The following SNX16 variants were observed in gnomAD, a reference collection of about 807,000 sequenced individuals.
The protein encoded by SNX16 is sorting nexin 16, also known as sorting nexin-16.
In SNX16, 35 loss-of-function variants were observed where a neutral mutation model predicts 36.7. That is an observed-to-expected ratio of 0.95 (90% CI 0.73 to 1.27). The LOEUF is 1.27. Among genes scored for constraint, SNX16 ranks in the 50% most tolerant of loss-of-function variants. The pLI is 0.00. For synonymous variants in SNX16, 134 were observed against 132.0 expected (o/e 1.02, Z -0.10); for missense variants, 367 against 393.6 (o/e 0.93, Z 0.57).
chr8:81,823,974 A>T, intron 3 of SNX16, 34 bp from the exon 4 acceptor site: 1 of 1,587,196 alleles, frequency 6.3e-7, no homozygotes, highest in Non-Finnish European at 8.6e-7. Context: ...TACAATGTTT[A>T]ACTCAAGCAC....
intron 4 of SNX16, among the ~76,000 whole-genome samples, chr8:81,821,789 A>C (rs889725570): frequency 2.0e-5 from 3 of 152,122 alleles, no homozygotes; most frequent in Non-Finnish European, 4.4e-5. Flanking sequence ...CAACTATGTT[A>C]GTGCTGTGCT....
chr8:81,815,966 G>A (rs555824169), intron 4 of SNX16, among the ~76,000 whole-genome samples: 2 of 152,134 alleles, frequency 1.3e-5, no homozygotes, highest in African/African-American at 4.8e-5. Flanking sequence ...AAATGATATT[G>A]TTATGCTTAT....
intron 1 of SNX16, among the ~76,000 whole-genome samples, chr8:81,840,864 A>G (rs769906743): frequency 3.3e-5 from 5 of 152,250 alleles, no homozygotes; most frequent in Non-Finnish European, 5.9e-5. Flanking sequence ...ATCATAACAC[A>G]AAGAAGAAAT....
chr8:81,834,959 CA>C (rs1182792007), intron 2 of SNX16, among the ~76,000 whole-genome samples: 1 of 152,236 alleles, frequency 6.6e-6, no homozygotes, highest in Non-Finnish European at 1.5e-5. Context: ...TCTGACCCCA[CA>C]TTTCCCTTCC....
chr8:81,815,165 G>T, intron 5 of SNX16, 160 bp downstream of exon 5: 1 of 457,514 alleles, frequency 2.2e-6, no homozygotes, highest in Non-Finnish European at 3.8e-6. Context: ...GTATTTCACT[G>T]AAAGCAACCT....
rs1216266568 is a variant in SNX16 at position 81,799,854 on chromosome 8, A to C, written c.*1643T>G. ...GATACAGAATGGTACTGATTAAATG[A>C]TTGTTCTTTTTAAGCCTTTTGTAAG... On this transcript the variant is annotated 3_prime_UTR_variant, in exon 8 of 8. Transcript: ENST00000345957. 1 of 151,882 alleles carries C rather than the reference A, an allele frequency of 6.6e-6. No homozygotes were observed. Among genetic ancestry groups the C allele is most frequent in the African/African-American group, 2.4e-5 (1 of 41,422 alleles). 9.4% of individuals were successfully genotyped at this position (151,882 alleles called of 1,614,324 possible). A position where few individuals can be genotyped will look rare whatever the true frequency, so the allele number is the denominator to read the frequency against.
chr8:81,803,886 C>T (rs562974519), intron 5 of SNX16, among the ~76,000 whole-genome samples: 6 of 150,584 alleles, frequency 4.0e-5, no homozygotes, highest in Non-Finnish European at 8.9e-5. Context: ...TAAAGTCTCA[C>T]CTGAAGAATC....
chr8:81,832,184 T>G (rs1175809000), intron 2 of SNX16, among the ~76,000 whole-genome samples: 1 of 152,158 alleles, frequency 6.6e-6, no homozygotes, highest in Non-Finnish European at 1.5e-5. Context: ...CAAGGATAGA[T>G]TTGATAAGGA....
chr8:81,839,587 T>G (rs1814534), intron 2 of SNX16, 25 bp downstream of exon 2: 429,449 of 1,579,722 alleles, frequency 0.27, 61,322 homozygotes, highest in East Asian at 0.4. Context: ...CTTTGTAGTG[T>G]TATACAGCAG....
chr8:81,824,374 T>C (rs1810921594), intron 3 of SNX16, among the ~76,000 whole-genome samples: 1 of 152,208 alleles, frequency 6.6e-6, no homozygotes, highest in African/African-American at 2.4e-5. Context: ...TCTTTATATA[T>C]TTCAGATACA....
rs1809738709 is a variant in SNX16 at position 81,802,363 on chromosome 8, A to T, written c.938+17T>A. The T allele has an allele frequency of 6.3e-7, 1 of 1,577,460 alleles. No homozygotes were observed. ...ATTATTCAAGAATTAAGCTATCATAAATGAAATATTATATACCTAGATTCT... is the reference window on the plus strand; with the variant it reads ...ATTATTCAAGAATTAAGCTATCATATATGAAATATTATATACCTAGATTCT... On this transcript the variant is annotated intron_variant, in intron 7 of 7. Transcript: ENST00000345957.
chr8:81,808,446 G>A (rs1230696137), intron 5 of SNX16: 4 of 1,088,498 alleles, frequency 3.7e-6, no homozygotes, highest in African/African-American at 3.1e-5. Flanking sequence ...CAGGGGTCAT[G>A]GTGGCTTTGC....
intron 2 of SNX16, among the ~76,000 whole-genome samples, chr8:81,833,294 T>C (rs1811349138): frequency 6.6e-6 from 1 of 152,124 alleles, no homozygotes; most frequent in African/African-American, 2.4e-5. Context: ...TTAGGGACTA[T>C]AGATTATCCT....
chr8:81,825,265 TAGAA>T, intron 3 of SNX16, among the ~76,000 whole-genome samples: 1 of 152,292 alleles, frequency 6.6e-6, no homozygotes, highest in South Asian at 2.1e-4. Flanking sequence ...TGGCCACTTT[TAGAA>T]AAGACAAACT....
intron 5 of SNX16, among the ~76,000 whole-genome samples, chr8:81,812,370 A>G (rs1053183204): frequency 9.2e-5 from 14 of 152,120 alleles, no homozygotes; most frequent in African/African-American, 3.4e-4. Context: ...ACACCCCAAT[A>G]CATCATAATC....
intron 1 of SNX16, among the ~76,000 whole-genome samples, chr8:81,840,679 G>A (rs1811706331): frequency 6.6e-6 from 1 of 152,144 alleles, no homozygotes; most frequent in Non-Finnish European, 1.5e-5. Context: ...ATAAAACCCA[G>A]TGAACACTGA....
At chr8:81,810,502 T>G (rs1395466629) in intron 5 of SNX16, among the ~76,000 whole-genome samples, 1 of 152,164 alleles carries the variant, frequency 6.6e-6, no homozygotes, top group Non-Finnish European at 1.5e-5. Context: ...AGATTTTACC[T>G]TGAAGGAGAG....
intron 2 of SNX16, among the ~76,000 whole-genome samples, chr8:81,832,226 T>C (rs1811302450): frequency 6.6e-6 from 1 of 152,148 alleles, no homozygotes; most frequent in Non-Finnish European, 1.5e-5. Context: ...TGGAATACTA[T>C]ATAGCCATAA....
chr8:81,834,552 T>G (rs776483833), intron 2 of SNX16, among the ~76,000 whole-genome samples: 3 of 152,166 alleles, frequency 2.0e-5, no homozygotes, highest in Non-Finnish European at 4.4e-5. Context: ...AGCTAGTTAC[T>G]TACTAGATAC....
Sources: allele counts gnomAD v4.1 joint callset (sites outside exome capture counted in the v4.1 genomes callset), GRCh38; gene constraint gnomAD v4.1.1; transcripts MANE v1.5; gene names NCBI Gene and HGNC (gene_info 2026-07-23, HGNC 2026-07-21).